FRMD4B: variants seen among roughly 807,000 people sequenced by gnomAD.
FRMD4B encodes the protein FERM domain containing 4B.
In FRMD4B, 74 loss-of-function variants were observed where a neutral mutation model predicts 141.5. The ratio of observed to expected loss-of-function variants is 0.52; its 90% CI spans 0.43 to 0.63. The LOEUF (loss-of-function observed/expected upper bound fraction) is 0.63. Among genes scored for constraint, FRMD4B ranks in the 30% least tolerant of loss-of-function variants. The pLI is 0.00. For synonymous variants in FRMD4B, 506 were observed against 467.9 expected (o/e 1.08, Z -1.05); for missense variants, 1,366 against 1,253.4 (o/e 1.09, Z -1.36).
At chr3:69,175,947 A>C (rs1638715990) in intron 22 of FRMD4B, among the ~76,000 whole-genome samples, 1 of 151,530 alleles carries the variant, frequency 6.6e-6, no homozygotes. Flanking sequence ...TGCCCAACTA[A>C]TTTTTTGTAT....
At chr3:69,483,580 C>G (rs1261376718) in intron 1 of FRMD4B, among the ~76,000 whole-genome samples, 2 of 152,038 alleles carry the variant, frequency 1.3e-5, no homozygotes, top group Non-Finnish European at 2.9e-5. Flanking sequence ...AAATATGGGA[C>G]CATATTGGGA....
At chr3:69,466,569 G>T (rs1380637023) in intron 1 of FRMD4B, among the ~76,000 whole-genome samples, 3 of 152,130 alleles carry the variant, frequency 2.0e-5, no homozygotes, top group Non-Finnish European at 4.4e-5. Flanking sequence ...AGCACAGTTG[G>T]CCATGAGTTG....
chr3:69,377,461 G>C (rs2872805), intron 1 of FRMD4B, among the ~76,000 whole-genome samples: 1 of 152,118 alleles, frequency 6.6e-6, no homozygotes, highest in South Asian at 2.1e-4. Flanking sequence ...CCTTGCTTCA[G>C]TGCAGGCTTT....
At chr3:69,260,127 G>A (rs2093516581) in intron 5 of FRMD4B, among the ~76,000 whole-genome samples, 3 of 152,034 alleles carry the variant, frequency 2.0e-5, no homozygotes, top group East Asian at 1.9e-4. Flanking sequence ...GCCCTCGCTC[G>A]CTCTCGGTGC....
chr3:69,411,928 G>T (rs1704767953), intron 2 of FRMD4B, among the ~76,000 whole-genome samples: 1 of 152,206 alleles, frequency 6.6e-6, no homozygotes, highest in East Asian at 1.9e-4. Flanking sequence ...ATAAGTGGCT[G>T]AGTGTTCAGA....
intron 5 of FRMD4B, among the ~76,000 whole-genome samples, chr3:69,259,827 G>C (rs903777777): frequency 7.2e-5 from 11 of 152,088 alleles, no homozygotes; most frequent in African/African-American, 2.7e-4. Context: ...TTAGAAATGG[G>C]GTCACCCAGG....
intron 4 of FRMD4B, among the ~76,000 whole-genome samples, chr3:69,298,000 G>C (rs909435502): frequency 6.6e-6 from 1 of 152,154 alleles, no homozygotes; most frequent in African/African-American, 2.4e-5. Flanking sequence ...TCTTTTCTCT[G>C]TGCAGAAGCA....
intron 1 of FRMD4B, among the ~76,000 whole-genome samples, chr3:69,362,763 A>G (rs1559830049): frequency 6.6e-6 from 1 of 151,266 alleles, no homozygotes; most frequent in African/African-American, 2.4e-5. Context: ...TAAAAATCCC[A>G]TACTTTTTAA....
chr3:69,517,987 G>C (rs76478858), intron 1 of FRMD4B, among the ~76,000 whole-genome samples: 1,574 of 152,216 alleles, frequency 0.01, 29 homozygotes, highest in African/African-American at 0.035. Context: ...TTTCTAACAA[G>C]TCCCCAAGAG....
At chr3:69,291,276 AACAGGG>A (rs1700863093) in intron 4 of FRMD4B, among the ~76,000 whole-genome samples, 1 of 152,228 alleles carries the variant, frequency 6.6e-6, no homozygotes, top group South Asian at 2.1e-4. Flanking sequence ...AGACTTCTCT[AACAGGG>A]ACTGTATTAA....
chr3:69,525,400 G>A (rs1700917111), intron 1 of FRMD4B, among the ~76,000 whole-genome samples: 1 of 152,124 alleles, frequency 6.6e-6, no homozygotes, highest in Non-Finnish European at 1.5e-5. Flanking sequence ...ATGTTTTGAT[G>A]GTACCTCAGA....
rs2093570418 is a variant in FRMD4B at position 69,267,612 on chromosome 3, TATATATATATATATATATATATATAG to T, written c.502-17539_502-17514del. On this transcript the variant is annotated intron_variant, in intron 5 of 22. Coordinates refer to ENST00000398540, the MANE Select transcript of FRMD4B (RefSeq NM_015123.3). ...GTGTGTGTGTATATATATATATATATATATATATATATATATATATATATAGAGAGAGAGAGAGAGAGAGAGAGAGA... is the reference window on the plus strand; with the variant it reads ...GTGTGTGTGTATATATATATATATATAGAGAGAGAGAGAGAGAGAGAGAGA... Among the ~76,000 whole-genome samples, 5 of 87,844 alleles carry T rather than the reference TATATATATATATATATATATATATAG, an allele frequency of 5.7e-5. No homozygotes were observed. The South Asian group carries it at 2.1e-3, about 38-fold the overall frequency. 57.6% of individuals were successfully genotyped at this position (87,844 alleles called of 152,430 possible).
intron 6 of FRMD4B, among the ~76,000 whole-genome samples, chr3:69,249,717 A>G (rs560422703): frequency 6.6e-6 from 1 of 152,330 alleles, no homozygotes; most frequent in South Asian, 2.1e-4. Flanking sequence ...AAGTTACTAA[A>G]TTTAAATGAA....
chr3:69,208,725 C>A lies in FRMD4B; in HGVS notation c.876+7538G>T, dbSNP rs181667809. On this transcript the variant is annotated intron_variant, in intron 11 of 22. Coordinates refer to ENST00000398540, the MANE Select transcript of FRMD4B (RefSeq NM_015123.3). ...ATCAAAGATAATTACAAATTTATGT[C>A]TTTATTTCTTTGCTTACTTGTTTCT... 2.6e-5 allele frequency among the ~76,000 whole-genome samples: 4 copies of A among 152,318 alleles called. No homozygotes were observed. In the East Asian group the frequency reaches 7.7e-4, roughly 29 times the overall value.
chr3:69,362,819 A>G (rs1703509713), intron 1 of FRMD4B, among the ~76,000 whole-genome samples: 1 of 152,116 alleles, frequency 6.6e-6, no homozygotes, highest in African/African-American at 2.4e-5. Context: ...ATTCCTGCCC[A>G]TCTTATTCTG....
At chr3:69,441,755 T>C (rs1245640032) in intron 1 of FRMD4B, among the ~76,000 whole-genome samples, 1 of 152,212 alleles carries the variant, frequency 6.6e-6, no homozygotes, top group Non-Finnish European at 1.5e-5. Flanking sequence ...ATGCCCCTGG[T>C]TGCTCCTCCT....
Position 69,196,897 on chromosome 3 carries a change from T to TA in FRMD4B, c.1092+2dup. The TA allele has an allele frequency of 6.2e-7, 1 of 1,607,282 alleles. No individual in the cohort carries two copies. Among genetic ancestry groups the TA allele is most frequent in the Non-Finnish European group, 8.5e-7 (1 of 1,174,430 alleles). On this transcript the variant is annotated splice_region_variant and intron_variant, in intron 13 of 22. Transcript: ENST00000398540. ...CCCTATAGAAATGATGCCAGTTACT[T>TA]ACTTTGCTTTGCTTCCGGTCCAAGT...
At chr3:69,208,144 A>C (rs1226851323) in intron 11 of FRMD4B, among the ~76,000 whole-genome samples, 2 of 151,724 alleles carry the variant, frequency 1.3e-5, no homozygotes, top group African/African-American at 2.4e-5. Context: ...GCTCACTGCA[A>C]CCTCCACCTC....
Position 69,193,648 on chromosome 3 carries a change from C to T in FRMD4B, c.1714G>A (p.Glu572Lys). 3.1e-6 allele frequency: 5 copies of T among 1,590,626 alleles called. No individual in the cohort carries two copies. Among genetic ancestry groups the T allele is most frequent in the Non-Finnish European group, 4.3e-6 (5 of 1,161,722 alleles). ...AAAAAAAACCTTACTTATTACTAAC[C>T]TGGTAACACTGTTGCTTTCTGGCTG... ...KPSQKATVLP[E>K]DIIPSESSSL... is the part of the protein sequence containing the mutation. The change falls in exon 17 of 23, where the codon GAA (glutamate) becomes AAA (lysine). Residue 572 changes from glutamate (E) to lysine (K), a missense_variant and splice_region_variant. By Grantham distance (56) the Glu-to-Lys change is moderately conservative (BLOSUM62 1). Coordinates refer to ENST00000398540, the MANE Select transcript of FRMD4B (RefSeq NM_015123.3).
Sources: gnomAD v4.1 joint callset for allele counts (sites outside exome capture counted in the v4.1 genomes callset) on GRCh38, gnomAD v4.1.1 for gene constraint, MANE v1.5 for transcripts, NCBI Gene and HGNC (gene_info 2026-07-23, HGNC 2026-07-21) for gene names.